Variants in TNFRSF1A observed in about 807,000 individuals in gnomAD.
TNFRSF1A encodes the protein tumor necrosis factor receptor superfamily member 1A.
Under a neutral mutation model 41.6 loss-of-function variants are expected in TNFRSF1A, and 9 were observed. That is an observed-to-expected ratio of 0.22 (90% CI 0.13 to 0.38). TNFRSF1A has a LOEUF of 0.38. Ranked by LOEUF, TNFRSF1A falls within the 10% of genes least tolerant of loss-of-function variation. The probability of loss-of-function intolerance (pLI) is 1.00; values close to 1 mark genes in which losing one functional copy is unlikely to be tolerated. For missense variants in TNFRSF1A, 463 were observed against 591.5 expected (o/e 0.78, Z 2.25); for synonymous variants, 254 against 248.6 (o/e 1.02, Z -0.21).
chr12:6,333,087 T>C lies in TNFRSF1A; in HGVS notation c.533A>G (p.Glu178Gly), dbSNP rs997425847. The change falls in exon 5 of 10, where the codon GAG becomes GGG. Residue 178 changes from glutamate to glycine, a missense_variant. Physicochemically the swap from Glu to Gly is moderately conservative, Grantham distance 98. This residue lies in a region of TNFRSF1A where 149 missense variants were observed against 239.4 expected (regional missense o/e 0.62). Coordinates refer to ENST00000162749, the MANE Select transcript of TNFRSF1A (RefSeq NM_001065.4). This position sits in a 1 kb window ranked among gnomAD's most constrained non-coding sequence, Gnocchi z 6.3. ...TACTCACTTACTACAGGAGACACACTCGTTTTCTCTTAGAAAGAAACCTGC... is the reference window on the plus strand; with the variant it reads ...TACTCACTTACTACAGGAGACACACCCGTTTTCTCTTAGAAAGAAACCTGC... ...CHAGFFLREN[E>G]CVSCSNCKKS... 1 of 1,614,044 alleles carries C rather than the reference T, an allele frequency of 6.2e-7. No homozygotes were observed. Among genetic ancestry groups the C allele is most frequent in the South Asian group, 1.1e-5 (1 of 91,094 alleles).
chr12:6,330,796 G>T (rs879723342), intron 6 of TNFRSF1A, 57 bp downstream of exon 6: 7 of 1,586,230 alleles, frequency 4.4e-6, no homozygotes, highest in African/African-American at 4.0e-5. Context: ...ATGGACGGGT[G>T]GGGGCAAGAA....
intron 7 of TNFRSF1A, 58 bp downstream of exon 7, chr12:6,330,540 C>G: frequency 1.5e-6 from 2 of 1,321,534 alleles, no homozygotes; most frequent in Non-Finnish European, 2.2e-6. Context: ...CCATCGCACC[C>G]ACCCATGTCC....
Position 6,329,122 on chromosome 12 carries a change from C to T in TNFRSF1A, c.*190G>A, listed in dbSNP as rs1947988039. ...CTTGAGCCCACGGCGCACCTCTCTCCGCGCGCACAGCGCTGACTGTCGGCG... is the reference window on the plus strand; with the variant it reads ...CTTGAGCCCACGGCGCACCTCTCTCTGCGCGCACAGCGCTGACTGTCGGCG... On this transcript the variant is annotated 3_prime_UTR_variant, in exon 10 of 10. Transcript: ENST00000162749. 5.8e-6 allele frequency: 3 copies of T among 513,618 alleles called. No homozygotes were observed. The highest frequency in any genetic ancestry group is 1.2e-4 in the South Asian group (2 of 16,818). 31.8% of individuals were successfully genotyped at this position (513,618 alleles called of 1,614,324 possible).
intron 1 of TNFRSF1A, among the ~76,000 whole-genome samples, chr12:6,340,481 A>G (rs1013769409): frequency 6.6e-6 from 1 of 152,100 alleles, no homozygotes; most frequent in Non-Finnish European, 1.5e-5. Context: ...TGGGGGAAGG[A>G]CAGTGGGAAG....
chr12:6,330,541 A>C (rs1592044924), intron 7 of TNFRSF1A, 57 bp downstream of exon 7: 1 of 1,328,772 alleles, frequency 7.5e-7, no homozygotes, highest in South Asian at 1.2e-5. Context: ...CATCGCACCC[A>C]CCCATGTCCT....
In TNFRSF1A at chr12:6,329,059, A is replaced by T. The variant is rs1947986900; in HGVS notation, c.*253T>A. On this transcript the variant is annotated 3_prime_UTR_variant, in exon 10 of 10. Transcript: ENST00000162749. ...AGGACACCCAAAACGGGCATGAGGCATAGCGTCCCTCATCCTCGCAAACCA... is the reference window on the plus strand; with the variant it reads ...AGGACACCCAAAACGGGCATGAGGCTTAGCGTCCCTCATCCTCGCAAACCA... 2.5e-6 allele frequency: 1 copy of T among 407,482 alleles called. No homozygotes were observed. Among genetic ancestry groups the T allele is most frequent in the African/African-American group, 2.1e-5 (1 of 48,624 alleles). The allele number at this position is 407,482 out of a possible 1,614,324, so 25.2% of individuals were successfully genotyped here. A position where few individuals can be genotyped will look rare whatever the true frequency, so the allele number is the denominator to read the frequency against.
In TNFRSF1A at chr12:6,329,061, A is replaced by AGCGT; in HGVS notation, c.*247_*250dup. On this transcript the variant is annotated 3_prime_UTR_variant, in exon 10 of 10. Transcript: ENST00000162749. ...GACACCCAAAACGGGCATGAGGCAT[A>AGCGT]GCGTCCCTCATCCTCGCAAACCACC... 2.5e-6 allele frequency: 1 copy of AGCGT among 407,418 alleles called. No homozygotes were observed. Among genetic ancestry groups the AGCGT allele is most frequent in the East Asian group, 3.6e-5 (1 of 27,780 alleles). The allele number at this position is 407,418 out of a possible 1,614,324, so 25.2% of individuals were successfully genotyped here. A position where few individuals can be genotyped will look rare whatever the true frequency, so the allele number is the denominator to read the frequency against.
intron 1 of TNFRSF1A, among the ~76,000 whole-genome samples, chr12:6,336,927 C>T (rs1948128984): frequency 6.6e-6 from 1 of 152,192 alleles, no homozygotes; most frequent in Non-Finnish European, 1.5e-5. Flanking sequence ...CCCTGGGGTC[C>T]CCAGACAATC....
intron 1 of TNFRSF1A, among the ~76,000 whole-genome samples, chr12:6,340,024 A>C (rs1403861623): frequency 6.6e-6 from 1 of 152,138 alleles, no homozygotes; most frequent in Non-Finnish European, 1.5e-5. Context: ...GGACGCAGGC[A>C]CTTCCCTTTA....
In TNFRSF1A at chr12:6,329,907, G is replaced by A. The variant is rs201794033; in HGVS notation, c.928C>T (p.Pro310Ser). Residue 310 changes from proline (P) to serine (S), a missense_variant, in exon 9 of 10, where the codon CCC becomes TCC. Coordinates refer to ENST00000162749, the MANE Select transcript of TNFRSF1A (RefSeq NM_001065.4). The stretch of plus-strand genomic sequence containing the variant: ...TAGGGTGGTGCCACCTCTCTGCGGG[G>A]AGCCGCAAAGTTGGGACAGTCACCG... The part of the protein sequence containing the change: ...TPGDCPNFAA[P>S]RREVAPPYQG... 1 of 1,574,698 alleles carries A rather than the reference G, an allele frequency of 6.4e-7. No individual in the cohort carries two copies. The highest frequency in any genetic ancestry group is 1.1e-5 in the South Asian group (1 of 87,346).
At position 6,333,299 on chromosome 12, in the gene TNFRSF1A, C is replaced by CACCGCATGGGGAAGGGGCCA; in HGVS notation, c.472+48_472+67dup. The CACCGCATGGGGAAGGGGCCA allele has an allele frequency of 6.3e-7, 1 of 1,586,764 alleles. No individual in the cohort carries two copies. Among genetic ancestry groups the CACCGCATGGGGAAGGGGCCA allele is most frequent in the Non-Finnish European group, 8.6e-7 (1 of 1,164,410 alleles). ...CAGGAGGGGGAAGGAAAGGAAGTGCCACCGCATGGGGAAGGGGCCAACCCC... is the reference window on the plus strand; with the variant it reads ...CAGGAGGGGGAAGGAAAGGAAGTGCCACCGCATGGGGAAGGGGCCAACCGCATGGGGAAGGGGCCAACCCC... On this transcript the variant is annotated intron_variant, in intron 4 of 9. Transcript: ENST00000162749. The surrounding 1 kb of genome is among the most constrained non-coding windows in gnomAD (Gnocchi z 6.3).
Position 6,341,819 on chromosome 12 carries a change from G to A in TNFRSF1A, c.-5C>T. 3.1e-6 allele frequency: 5 copies of A among 1,614,164 alleles called. No individual in the cohort carries two copies. Among genetic ancestry groups the A allele is most frequent in the Non-Finnish European group, 4.2e-6 (5 of 1,180,032 alleles). ...AGGCACGGTGGAGAGGCCCATGCCA[G>A]ACAGCTATGGCCTCTCACTCCCCCA... is the stretch of plus-strand genomic sequence containing the variant. On this transcript the variant is annotated 5_prime_UTR_variant, in exon 1 of 10. Coordinates refer to ENST00000162749, the MANE Select transcript of TNFRSF1A (RefSeq NM_001065.4). The surrounding 1 kb of genome is among the most constrained non-coding windows in gnomAD (Gnocchi z 4.6).
intron 1 of TNFRSF1A, among the ~76,000 whole-genome samples, chr12:6,338,511 G>A (rs946456085): frequency 6.6e-6 from 1 of 151,818 alleles, no homozygotes; most frequent in Non-Finnish European, 1.5e-5. Flanking sequence ...CCATCTCCAG[G>A]GCCTGGCTCC....
Position 6,334,232 on chromosome 12 carries a change from G to A in TNFRSF1A, c.52C>T (p.Leu18=), listed in dbSNP as rs1170436408. 4 of 1,613,268 alleles carry A rather than the reference G, an allele frequency of 2.5e-6. No homozygotes were observed. Among genetic ancestry groups the A allele is most frequent in the Non-Finnish European group, 3.4e-6 (4 of 1,179,428 alleles). The change falls in exon 2 of 10, where the codon CTG becomes TTG. Residue 18 remains leucine (L), a synonymous_variant. Transcript: ENST00000162749. This position sits in a 1 kb window ranked among gnomAD's most constrained non-coding sequence, Gnocchi z 5.1. ...CCTGAGGGGTATATTCCCACCAACA[G>A]CTCCAGGAGCACCTGGGGAAGAATC... ...DLLLPLVLLE[L]LVGIYPSGVI...
chr12:6,341,809 G>T lies in TNFRSF1A; in HGVS notation c.6C>A (p.Gly2=), dbSNP rs776855452. 5.0e-6 allele frequency: 8 copies of T among 1,614,132 alleles called. No individual in the cohort carries two copies. Among genetic ancestry groups the T allele is most frequent in the Non-Finnish European group, 6.8e-6 (8 of 1,180,018 alleles). The part of the protein sequence containing the change: M[G]LSTVPDLLLP... Reference sequence around the variant, plus strand: ...GCAGCAGGTCAGGCACGGTGGAGAGGCCCATGCCAGACAGCTATGGCCTCT... The same window carrying T: ...GCAGCAGGTCAGGCACGGTGGAGAGTCCCATGCCAGACAGCTATGGCCTCT... The change falls in exon 1 of 10, where the codon GGC becomes GGA. Residue 2 remains glycine (G), a synonymous_variant. Transcript: ENST00000162749. The surrounding 1 kb of genome is among the most constrained non-coding windows in gnomAD (Gnocchi z 4.6).
Position 6,333,928 on chromosome 12 carries a change from G to A in TNFRSF1A, c.194-63C>T. ...ACACAAGGAAGGAGCCCCATGCTAG[G>A]GACAACAGCCAGGGCCGATTCCCTG... On this transcript the variant is annotated intron_variant, in intron 2 of 9. Coordinates refer to ENST00000162749, the MANE Select transcript of TNFRSF1A (RefSeq NM_001065.4). This position sits in a 1 kb window ranked among gnomAD's most constrained non-coding sequence, Gnocchi z 6.3. The A allele has an allele frequency of 6.2e-7, 1 of 1,603,426 alleles. No homozygotes were observed. The highest frequency in any genetic ancestry group is 8.5e-7 in the Non-Finnish European group (1 of 1,174,520).
chr12:6,328,973 C>T lies in TNFRSF1A; in HGVS notation c.*339G>A. On this transcript the variant is annotated 3_prime_UTR_variant, in exon 10 of 10. Transcript: ENST00000162749. ...AACAAAACAAAAACAAAAAAAACTG[C>T]TTATGCACTGTGAAAAAGGCTCAGG... 1 of 339,314 alleles carries T rather than the reference C, an allele frequency of 2.9e-6. No individual in the cohort carries two copies. The highest frequency in any genetic ancestry group is 5.3e-6 in the Non-Finnish European group (1 of 188,210). The allele number at this position is 339,314 out of a possible 1,614,324, so 21.0% of individuals were successfully genotyped here.
In TNFRSF1A at chr12:6,329,635, G is replaced by C. The variant is rs1358132747; in HGVS notation, c.1058-13C>G. 49 of 1,589,036 alleles carry C rather than the reference G, an allele frequency of 3.1e-5. No individual in the cohort carries two copies. Among genetic ancestry groups the C allele is most frequent in the Non-Finnish European group, 4.2e-5 (49 of 1,170,584 alleles). Reference sequence around the variant, plus strand: ...GCGGGGTCATCAGCTGCGGGGACGCGGGCCGGTGAGCCTCGGGCGGCAACC... The same window carrying C: ...GCGGGGTCATCAGCTGCGGGGACGCCGGCCGGTGAGCCTCGGGCGGCAACC... On this transcript the variant is annotated splice_polypyrimidine_tract_variant and intron_variant, in intron 9 of 9. Coordinates refer to ENST00000162749, the MANE Select transcript of TNFRSF1A (RefSeq NM_001065.4).
Position 6,341,423 on chromosome 12 carries a change from T to C in TNFRSF1A, c.39+353A>G, listed in dbSNP as rs1948193229. Among the ~76,000 whole-genome samples the C allele has an allele frequency of 6.6e-6, 1 of 152,190 alleles. No individual in the cohort carries two copies. The highest frequency in any genetic ancestry group is 6.5e-5 in the Admixed American group (1 of 15,284). On this transcript the variant is annotated intron_variant, in intron 1 of 9. Coordinates refer to ENST00000162749, the MANE Select transcript of TNFRSF1A (RefSeq NM_001065.4). The surrounding 1 kb of genome is among the most constrained non-coding windows in gnomAD (Gnocchi z 4.6). ...TGGACTCCCCGAGCACTAATCTTCC[T>C]ACTCCCACTCCCTTCTTTTCCCCGC... is the stretch of plus-strand genomic sequence containing the variant.
Sources: gnomAD v4.1 joint callset for allele counts (sites outside exome capture counted in the v4.1 genomes callset) on GRCh38, gnomAD v4.1.1 for gene constraint, gnomAD v4.1.1 regional missense constraint, Gnocchi (gnomAD v3.1) non-coding constraint, MANE v1.5 for transcripts, NCBI Gene and HGNC (gene_info 2026-07-23, HGNC 2026-07-21) for gene names.